Variants in TLE4 observed in about 807,000 individuals in gnomAD.
TLE4 encodes TLE family member 4, transcriptional corepressor.
Under a neutral mutation model 92.8 loss-of-function variants are expected in TLE4, and 8 were observed. The ratio of observed to expected loss-of-function variants is 0.09; its 90% CI spans 0.05 to 0.16. TLE4 has a LOEUF of 0.16. Ranked by LOEUF, TLE4 falls within the 10% of genes least tolerant of loss-of-function variation. The probability of loss-of-function intolerance (pLI) is 1.00; values close to 1 mark genes in which losing one functional copy is unlikely to be tolerated. For missense variants in TLE4, 675 were observed against 997.6 expected, an observed-to-expected ratio of 0.68 and a Z score of 4.36; for synonymous variants, 371 against 374.1, an observed-to-expected ratio of 0.99 and a Z score of 0.10.
intron 6 of TLE4, among the ~76,000 whole-genome samples, chr9:79,645,599 T>C (rs2057977058): frequency 6.6e-6 from 1 of 152,234 alleles, no homozygotes; most frequent in African/African-American, 2.4e-5. Context: ...TTCTGCCCTT[T>C]GTGCCAAACT....
intron 6 of TLE4, among the ~76,000 whole-genome samples, chr9:79,647,295 T>A (rs530437458): frequency 4.6e-4 from 70 of 152,272 alleles, no homozygotes; most frequent in African/African-American, 1.6e-3. Context: ...AAGCTTTGAA[T>A]ATATAGAGAC....
intron 8 of TLE4, among the ~76,000 whole-genome samples, chr9:79,700,864 A>G (rs1447403262): frequency 1.3e-5 from 2 of 152,146 alleles, no homozygotes; most frequent in Non-Finnish European, 2.9e-5. Context: ...ACACACACAC[A>G]CGCACACTCA....
At chr9:79,691,322 A>G (rs1237707190) in intron 8 of TLE4, among the ~76,000 whole-genome samples, 1 of 152,222 alleles carries the variant, frequency 6.6e-6, no homozygotes. Flanking sequence ...GAATTCTACT[A>G]TTTAATGTTA....
chr9:79,703,294 C>T (rs2070489710), intron 8 of TLE4, among the ~76,000 whole-genome samples: 2 of 152,124 alleles, frequency 1.3e-5, no homozygotes, highest in African/African-American at 4.8e-5. Flanking sequence ...GGAGCCCTGC[C>T]CTGGTGCCCT....
chr9:79,715,515 C>T (rs997405062), intron 14 of TLE4, among the ~76,000 whole-genome samples: 4 of 152,048 alleles, frequency 2.6e-5, no homozygotes, highest in Non-Finnish European at 2.9e-5. Context: ...TCAGCACCAG[C>T]GGTGGGGTTA....
At chr9:79,608,333 C>T (rs1202010778) in intron 4 of TLE4, among the ~76,000 whole-genome samples, 1 of 151,920 alleles carries the variant, frequency 6.6e-6, no homozygotes, top group Non-Finnish European at 1.5e-5. Flanking sequence ...TGTACAGTTT[C>T]TTTAGAAAAT....
chr9:79,586,304 G>A (rs1030212237), intron 4 of TLE4, among the ~76,000 whole-genome samples: 2 of 151,754 alleles, frequency 1.3e-5, no homozygotes, highest in African/African-American at 2.4e-5. Context: ...CAGAAGTTGC[G>A]GTGAGCCAAG....
chr9:79,593,970 A>G (rs994535811), intron 4 of TLE4, among the ~76,000 whole-genome samples: 1 of 152,198 alleles, frequency 6.6e-6, no homozygotes, highest in African/African-American at 2.4e-5. Context: ...GACATTGGTA[A>G]ATTATTTAAC....
chr9:79,640,521 T>C (rs1250844652), intron 6 of TLE4, among the ~76,000 whole-genome samples: 3 of 152,028 alleles, frequency 2.0e-5, no homozygotes, highest in African/African-American at 7.2e-5. Context: ...ATTCCTTCTC[T>C]CTTCTGCCCC....
chr9:79,708,455 CT>C, intron 12 of TLE4, 137 bp from the exon 13 acceptor site: 1 of 1,118,914 alleles, frequency 8.9e-7, no homozygotes. Context: ...TGAGTGAATT[CT>C]GAAGGCTTGA....
intron 6 of TLE4, among the ~76,000 whole-genome samples, chr9:79,644,754 T>G (rs2057811845): frequency 6.6e-6 from 1 of 152,226 alleles, no homozygotes; most frequent in African/African-American, 2.4e-5. Flanking sequence ...CAGAGTCTGT[T>G]GCCTCTTCCT....
In TLE4 at chr9:79,627,327, G is replaced by A. The variant is rs772003776; in HGVS notation, c.316-47G>A. The A allele has an allele frequency of 8.8e-6, 14 of 1,588,334 alleles. No individual in the cohort carries two copies. The South Asian group carries it at 1.5e-4, about 18-fold the overall frequency. On this transcript the variant is annotated intron_variant, in intron 5 of 19. Coordinates refer to ENST00000376552, the MANE Select transcript of TLE4 (RefSeq NM_007005.6). ...ATGTTAGGAAAAGCTGTTCTTGACT[G>A]AGTAGAAAACAAATAATTGTATTCT...
At chr9:79,721,079 T>C (rs537623171) in intron 16 of TLE4, among the ~76,000 whole-genome samples, 47 of 152,344 alleles carry the variant, frequency 3.1e-4, no homozygotes, top group Non-Finnish European at 6.3e-4. Context: ...ATCTGTTATT[T>C]CAAAGTACTG....
chr9:79,723,389 A>T (rs2075943668), intron 19 of TLE4, among the ~76,000 whole-genome samples: 1 of 152,070 alleles, frequency 6.6e-6, no homozygotes, highest in African/African-American at 2.4e-5. Flanking sequence ...GCTTAAATAC[A>T]CTCTTGTTAG....
chr9:79,654,333 T>G (rs1319242627), intron 8 of TLE4, among the ~76,000 whole-genome samples: 1 of 151,862 alleles, frequency 6.6e-6, no homozygotes, highest in Admixed American at 6.6e-5. Context: ...TTTTATTATT[T>G]GCCATGTGAA....
chr9:79,725,276 CCTTT>C lies in TLE4; in HGVS notation c.*136_*139del. 1.7e-6 allele frequency: 1 copy of C among 599,638 alleles called. No homozygotes were observed. The highest frequency in any genetic ancestry group is 2.9e-6 in the Non-Finnish European group (1 of 339,682). The allele number at this position is 599,638 out of a possible 1,614,324, so 37.1% of individuals were successfully genotyped here. ...TCATTGCAGTTGTGGAGTTTAATCC[CCTTT>C]CTTAACCTCACTTCCCACTTGCTAT... is the stretch of plus-strand genomic sequence containing the variant. On this transcript the variant is annotated 3_prime_UTR_variant, in exon 20 of 20. Transcript: ENST00000376552.
intron 5 of TLE4, among the ~76,000 whole-genome samples, chr9:79,623,892 A>G (rs1210066160): frequency 6.6e-6 from 1 of 152,114 alleles, no homozygotes; most frequent in African/African-American, 2.4e-5. Context: ...GGACACTTGT[A>G]TCTGAGTGAG....
chr9:79,604,118 G>A (rs1472890349), intron 4 of TLE4, among the ~76,000 whole-genome samples: 1 of 152,160 alleles, frequency 6.6e-6, no homozygotes, highest in Admixed American at 6.6e-5. Context: ...GAGAGTGGGA[G>A]GAGGACGAGT....
At chr9:79,680,129 A>G (rs2064196114) in intron 8 of TLE4, among the ~76,000 whole-genome samples, 1 of 152,134 alleles carries the variant, frequency 6.6e-6, no homozygotes, top group Non-Finnish European at 1.5e-5. Context: ...TGAACTTTAA[A>G]GTAGTTTTTT....
Sources: gnomAD v4.1 joint callset for allele counts (sites outside exome capture counted in the v4.1 genomes callset) on GRCh38, gnomAD v4.1.1 for gene constraint, MANE v1.5 for transcripts, NCBI Gene and HGNC (gene_info 2026-07-23, HGNC 2026-07-21) for gene names.